Variants in ANKRD36 observed in about 807,000 individuals in gnomAD.
The protein encoded by ANKRD36 is ankyrin repeat domain 36, also known as ankyrin repeat domain-containing protein 36A.
ANKRD36 carries 179 observed loss-of-function variants against 278.1 expected under a neutral mutation model. That is an observed-to-expected ratio of 0.64 (90% CI 0.57 to 0.73). The LOEUF (loss-of-function observed/expected upper bound fraction) is 0.73. ANKRD36 is among the 30% of genes least tolerant of loss of function. The pLI is 0.00. For synonymous variants in ANKRD36, 320 were observed against 641.1 expected (o/e 0.50, Z 7.57); for missense variants, 1,159 against 1,956.7 (o/e 0.59, Z 7.69).
intron 66 of ANKRD36, among the ~76,000 whole-genome samples, chr2:97,220,756 A>ATTTTT (rs1229484526): frequency 6.0e-5 from 4 of 66,250 alleles, no homozygotes; most frequent in African/African-American, 1.0e-4. Flanking sequence ...TTAATTTTTA[A>ATTTTT]TTTTCTTTTT....
chr2:97,195,283 G>A (rs1280022627), intron 40 of ANKRD36, among the ~76,000 whole-genome samples: 2 of 151,964 alleles, frequency 1.3e-5, no homozygotes, highest in African/African-American at 4.8e-5. Flanking sequence ...GCTAAAAACA[G>A]ACAGAAAACT....
Position 97,204,287 on chromosome 2 carries a change from G to C in ANKRD36, c.3061+24G>C, listed in dbSNP as rs1180203037. 3.2e-6 allele frequency: 5 copies of C among 1,542,340 alleles called. No individual in the cohort carries two copies. In the African/African-American group the frequency reaches 5.6e-5, roughly 17 times the overall value. On this transcript the variant is annotated intron_variant, in intron 50 of 75. Transcript: ENST00000420699. ...AGGTAATTTTGAAAAGAGATTTAAT[G>C]TCATGTTCAGTGCAGATAGATAAGA...
chr2:97,142,082 C>T (rs1463009493), intron 6 of ANKRD36, among the ~76,000 whole-genome samples: 1 of 152,288 alleles, frequency 6.6e-6, no homozygotes, highest in Non-Finnish European at 1.5e-5. Context: ...ATACTGTCTA[C>T]TAGGATTCAC....
At chr2:97,228,553 G>A (rs1478685727) in intron 67 of ANKRD36, among the ~76,000 whole-genome samples, 1 of 152,022 alleles carries the variant, frequency 6.6e-6, no homozygotes, top group Non-Finnish European at 1.5e-5. Context: ...CTTGCTAGCT[G>A]TCTATCAATT....
At chr2:97,232,130 A>C (rs1254711208) in intron 67 of ANKRD36, among the ~76,000 whole-genome samples, 1 of 152,056 alleles carries the variant, frequency 6.6e-6, no homozygotes, top group Admixed American at 6.6e-5. Context: ...ACATAGATTA[A>C]GAAGTTTGAT....
chr2:97,206,622 AGTC>A (rs1191817958), intron 52 of ANKRD36, among the ~76,000 whole-genome samples: 6 of 151,400 alleles, frequency 4.0e-5, no homozygotes, highest in Non-Finnish European at 8.9e-5. Flanking sequence ...GAAAAGAAGA[AGTC>A]ATTTATATAA....
chr2:97,232,841 G>A (rs528930819), intron 67 of ANKRD36, among the ~76,000 whole-genome samples: 1 of 152,142 alleles, frequency 6.6e-6, no homozygotes, highest in African/African-American at 2.4e-5. Flanking sequence ...AAACCCAGAA[G>A]TAGTTATGGA....
chr2:97,207,616 A>G (rs928728948), intron 52 of ANKRD36, among the ~76,000 whole-genome samples, 195 bp from the exon 53 acceptor site: 1 of 151,502 alleles, frequency 6.6e-6, no homozygotes, highest in Non-Finnish European at 1.5e-5. Context: ...TTCTAAGACT[A>G]TATTTCATGG....
chr2:97,117,886 A>G (rs1487053087), intron 1 of ANKRD36, among the ~76,000 whole-genome samples, 178 bp from the exon 2 acceptor site: 1 of 151,980 alleles, frequency 6.6e-6, no homozygotes, highest in East Asian at 1.9e-4. Flanking sequence ...ACTGAATCCA[A>G]AAGCCAAGGC....
chr2:97,154,912 T>G lies in ANKRD36; in HGVS notation c.1260+171T>G. Reference sequence around the variant, plus strand: ...AAGAAATAGGGGGGGTTAATTTTAATTTTTTTTTACTTTGCAAATAAGAAA... The same window carrying G: ...AAGAAATAGGGGGGGTTAATTTTAAGTTTTTTTTACTTTGCAAATAAGAAA... On this transcript the variant is annotated intron_variant, in intron 15 of 75. Coordinates refer to ENST00000420699, the MANE Select transcript of ANKRD36 (RefSeq NM_001354587.1). 1.4e-5 allele frequency among the ~76,000 whole-genome samples: 2 copies of G among 143,750 alleles called. 1 individual carries two copies. The highest frequency in any genetic ancestry group is 3.1e-5 in the Non-Finnish European group (2 of 63,582). 94.3% of individuals were successfully genotyped at this position (143,750 alleles called of 152,430 possible).
At chr2:97,138,546 A>G (rs182275098) in intron 6 of ANKRD36, among the ~76,000 whole-genome samples, 1 of 151,934 alleles carries the variant, frequency 6.6e-6, no homozygotes, top group Admixed American at 6.6e-5. Flanking sequence ...TACCCATCAA[A>G]CTATCATTGA....
At chr2:97,140,934 G>A (rs1018580069) in intron 6 of ANKRD36, among the ~76,000 whole-genome samples, 1 of 151,878 alleles carries the variant, frequency 6.6e-6, no homozygotes, top group Non-Finnish European at 1.5e-5. Flanking sequence ...AATGGAAAGT[G>A]GAAGTTAGAA....
chr2:97,222,953 A>G (rs2068176178), intron 66 of ANKRD36, among the ~76,000 whole-genome samples: 1 of 152,112 alleles, frequency 6.6e-6, no homozygotes, highest in African/African-American at 2.4e-5. Context: ...ACAAAAAGTT[A>G]TAGCATTCAT....
rs151198768 is a variant in ANKRD36 at position 97,244,091 on chromosome 2, C to G, written c.4491+62C>G. On this transcript the variant is annotated intron_variant, in intron 70 of 75. Coordinates refer to ENST00000420699, the MANE Select transcript of ANKRD36 (RefSeq NM_001354587.1). ...CTTATTAATATTACTTATACCATCTCTTTCATTTAACGTATATTATTTAGG... is the reference window on the plus strand; with the variant it reads ...CTTATTAATATTACTTATACCATCTGTTTCATTTAACGTATATTATTTAGG... 4 of 1,540,896 alleles carry G rather than the reference C, an allele frequency of 2.6e-6. No individual in the cohort carries two copies. In the Admixed American group the frequency reaches 6.2e-5, roughly 24 times the overall value.
chr2:97,232,023 AAT>A (rs1327050391), intron 67 of ANKRD36, among the ~76,000 whole-genome samples: 1 of 151,866 alleles, frequency 6.6e-6, no homozygotes, highest in Non-Finnish European at 1.5e-5. Context: ...AACAGTGACA[AAT>A]TAAAGTTTCA....
intron 11 of ANKRD36, among the ~76,000 whole-genome samples, chr2:97,147,365 A>C (rs1239122070): frequency 6.6e-6 from 1 of 151,770 alleles, no homozygotes; most frequent in African/African-American, 2.4e-5. Flanking sequence ...CTTCTTTTAT[A>C]GTTTTCATGT....
At position 97,198,353 on chromosome 2, in the gene ANKRD36, G is replaced by C. The variant is rs548002653; in HGVS notation, c.2654-110G>C. On this transcript the variant is annotated intron_variant, in intron 42 of 75. Transcript: ENST00000420699. Reference sequence around the variant, plus strand: ...GACACAAAGTAGAAGCCATCAAAGCGTACACTAATACAGGCAGGAGGACAG... The same window carrying C: ...GACACAAAGTAGAAGCCATCAAAGCCTACACTAATACAGGCAGGAGGACAG... The C allele has an allele frequency of 1.7e-4, 262 of 1,537,990 alleles. 3 individuals are homozygous for C. The highest frequency in any genetic ancestry group is 1.3e-3 in the African/African-American group (96 of 72,470).
chr2:97,126,986 A>G, intron 5 of ANKRD36, 81 bp from the exon 6 acceptor site: 2 of 534,068 alleles, frequency 3.7e-6, no homozygotes, highest in Non-Finnish European at 6.4e-6. Context: ...ATTGTTCAAG[A>G]TACTCTAATA....
intron 22 of ANKRD36, among the ~76,000 whole-genome samples, chr2:97,176,370 A>T (rs904890891): frequency 6.8e-6 from 1 of 147,924 alleles, no homozygotes; most frequent in Non-Finnish European, 1.5e-5. Flanking sequence ...TCCCTTTACC[A>T]TTATGTAATG....
Sources: gnomAD v4.1 joint callset for allele counts (sites outside exome capture counted in the v4.1 genomes callset) on GRCh38, gnomAD v4.1.1 for gene constraint, MANE v1.5 for transcripts, NCBI Gene and HGNC (gene_info 2026-07-23, HGNC 2026-07-21) for gene names.